Variants in CAPN15 observed in about 807,000 individuals in gnomAD.
CAPN15 encodes calpain 15, also known as calpain-15.
CAPN15 carries 53 observed loss-of-function variants against 97.9 expected under a neutral mutation model. That is an observed-to-expected ratio of 0.54 (90% CI 0.43 to 0.68). The LOEUF is 0.68. Ranked by LOEUF, CAPN15 falls within the 30% of genes least tolerant of loss-of-function variation. CAPN15 has a pLI of 0.00. For missense variants in CAPN15, 1,592 were observed against 1,589.8 expected, an observed-to-expected ratio of 1.00 and a Z score of -0.02; for synonymous variants, 922 against 722.5, an observed-to-expected ratio of 1.28 and a Z score of -4.43.
chr16:552,584 T>TTCACATG lies in CAPN15; in HGVS notation c.2738-16_2738-15insTGTCACA, dbSNP rs2142082479. The stretch of plus-strand genomic sequence containing the variant: ...CCCAGGCCCACGGGGAGGGCTGCGG[T>TTCACATG]TCACACGCCCGTCCTTGTAGCCTCC... On this transcript the variant is annotated intron_variant, in intron 11 of 13. Transcript: ENST00000219611. The surrounding 1 kb of genome is among the most constrained non-coding windows in gnomAD (Gnocchi z 6.4). 1 of 1,552,490 alleles carries TTCACATG rather than the reference T, an allele frequency of 6.4e-7. No individual in the cohort carries two copies. Among genetic ancestry groups the TTCACATG allele is most frequent in the East Asian group, 2.4e-5 (1 of 41,956 alleles).
intron 7 of CAPN15, 48 bp from the exon 8 acceptor site, chr16:551,253 TC>T (rs1236254750): frequency 4.5e-5 from 68 of 1,495,626 alleles, no homozygotes; most frequent in African/African-American, 8.5e-5. Context: ...TCGGTGAGGG[TC>T]CCCTGTCGGT....
Position 552,095 on chromosome 16 carries a change from A to C in CAPN15, c.2390A>C (p.Gln797Pro). The C allele has an allele frequency of 1.9e-6, 3 of 1,549,276 alleles. No individual in the cohort carries two copies. The highest frequency in any genetic ancestry group is 2.6e-6 in the Non-Finnish European group (3 of 1,146,964). Residue 797 changes from glutamine to proline, a missense_variant, in exon 10 of 14, where the codon CAG (glutamine) becomes CCG (proline). Physicochemically the swap from Gln to Pro is moderately conservative, Grantham distance 76 (BLOSUM62 -1). Transcript: ENST00000219611. The surrounding 1 kb of genome is among the most constrained non-coding windows in gnomAD (Gnocchi z 6.4). Reference protein sequence around the residue: ...VDICKVHSDWQEARVQGCFPS... With the variant: ...VDICKVHSDWPEARVQGCFPS... ...ATCTGTAAGGTGCACTCGGACTGGC[A>C]GGAGGCGCGGGTGCAGGGCTGCTTT...
Position 549,111 on chromosome 16 carries a change from G to C in CAPN15, c.1568G>C (p.Cys523Ser). 1 of 1,612,352 alleles carries C rather than the reference G, an allele frequency of 6.2e-7. No homozygotes were observed. Among genetic ancestry groups the C allele is most frequent in the East Asian group, 2.2e-5 (1 of 44,878 alleles). ...RQWLRPQEIN[C>S]SVFRDHRATW... ...TGGCTGCGACCCCAGGAGATCAACT[G>C]CTCCGTCTTCAGGGACCACAGGGCC... The change falls in exon 5 of 14, where the codon TGC becomes TCC. Residue 523 changes from cysteine to serine, a missense_variant. Cys to Ser is a moderately radical substitution (Grantham distance 112). Around this residue, in one of 3 missense-constraint regions of CAPN15, gnomAD observed 883 missense variants for 776.6 expected, o/e 1.14. Coordinates refer to ENST00000219611, the MANE Select transcript of CAPN15 (RefSeq NM_005632.3).
intron 1 of CAPN15, among the ~76,000 whole-genome samples, chr16:530,822 C>G (rs2141944982): frequency 6.6e-6 from 1 of 152,356 alleles, no homozygotes; most frequent in African/African-American, 2.4e-5. Context: ...TTGCTTTGCA[C>G]ACTCTGAGGG....
intron 3 of CAPN15, among the ~76,000 whole-genome samples, chr16:545,913 G>A (rs1438651597): frequency 2.0e-5 from 3 of 152,332 alleles, no homozygotes; most frequent in East Asian, 1.9e-4. Flanking sequence ...CCGGGAGCCC[G>A]CCGGCCACAG....
chr16:551,221 CCCGGTCAGTGAGGGT>C (rs2035050612), intron 7 of CAPN15, 66 bp from the exon 8 acceptor site: 3 of 1,376,400 alleles, frequency 2.2e-6, no homozygotes, highest in African/African-American at 4.5e-5. Context: ...CGGTGAGGGT[CCCGGTCAGTGAGGGT>C]CCCCGGTCGG....
chr16:541,798 C>T (rs970294961), intron 3 of CAPN15, among the ~76,000 whole-genome samples: 6 of 152,404 alleles, frequency 3.9e-5, no homozygotes, highest in South Asian at 2.1e-4. Context: ...GGCCACTGAC[C>T]GGCTTCCTGT....
Position 553,585 on chromosome 16 carries a change from A to T in CAPN15, c.*69A>T. 3 of 955,976 alleles carry T rather than the reference A, an allele frequency of 3.1e-6. No homozygotes were observed. The highest frequency in any genetic ancestry group is 4.5e-6 in the Non-Finnish European group (3 of 660,618). 59.2% of individuals were successfully genotyped at this position (955,976 alleles called of 1,614,324 possible). On this transcript the variant is annotated 3_prime_UTR_variant, in exon 14 of 14. Coordinates refer to ENST00000219611, the MANE Select transcript of CAPN15 (RefSeq NM_005632.3). The stretch of plus-strand genomic sequence containing the variant: ...CCCCCACACGCACTTTATGAGGGAG[A>T]CCCCGACAGAGGACGCTTGAGCCAG...
chr16:545,303 G>A (rs1409092150), intron 3 of CAPN15, among the ~76,000 whole-genome samples: 1 of 152,096 alleles, frequency 6.6e-6, no homozygotes, highest in Non-Finnish European at 1.5e-5. Context: ...CAGGGCAGAA[G>A]GGCAGGGAGG....
In CAPN15 at chr16:547,763, C is replaced by T. The variant is rs760213854; in HGVS notation, c.925C>T (p.Arg309Cys). Residue 309 changes from arginine to cysteine, a missense_variant, in exon 4 of 14, where the codon CGC (arginine) becomes TGC (cysteine). Coordinates refer to ENST00000219611, the MANE Select transcript of CAPN15 (RefSeq NM_005632.3). ...AGAGGCCACGGAGGGTGGCACCAGC[C>T]GCGTAGAGGCCGGCAGCTCCACCTC... ...EEEATEGGTS[R>C]VEAGSSTSGS... 12 of 1,609,740 alleles carry T rather than the reference C, an allele frequency of 7.5e-6. No individual in the cohort carries two copies. The highest frequency in any genetic ancestry group is 5.3e-5 in the African/African-American group (4 of 74,906).
rs1473526540 is a variant in CAPN15 at position 549,135 on chromosome 16, C to T, written c.1592C>T (p.Ala531Val). The change falls in exon 5 of 14, where the codon GCC becomes GTC. Residue 531 changes from alanine (A) to valine (V), a missense_variant. Around this residue, in one of 3 missense-constraint regions of CAPN15, gnomAD observed 883 missense variants for 776.6 expected, o/e 1.14. Coordinates refer to ENST00000219611, the MANE Select transcript of CAPN15 (RefSeq NM_005632.3). ...INCSVFRDHR[A>V]TWSVFHTLRP... is the part of the protein sequence containing the mutation. The stretch of plus-strand genomic sequence containing the variant: ...TGCTCCGTCTTCAGGGACCACAGGG[C>T]CACGTGGTCTGTGTTCCACACACTG... The T allele has an allele frequency of 6.2e-7, 1 of 1,611,414 alleles. No individual in the cohort carries two copies. Among genetic ancestry groups the T allele is most frequent in the Admixed American group, 1.7e-5 (1 of 59,968 alleles).
rs370010301 is a variant in CAPN15 at position 551,982 on chromosome 16, C to T, written c.2346-69C>T. On this transcript the variant is annotated intron_variant, in intron 9 of 13. Transcript: ENST00000219611. ...TGCTGGGGTCACCGGCCTGTGGTTG[C>T]GGTAGGCGCTGAGCCACGGAGGTGT... 3.6e-4 allele frequency: 539 copies of T among 1,478,860 alleles called. 1 individual carries two copies. The highest frequency in any genetic ancestry group is 6.8e-4 in the Middle Eastern group (3 of 4,414). 91.6% of individuals were successfully genotyped at this position (1,478,860 alleles called of 1,614,324 possible). A position where few individuals can be genotyped will look rare whatever the true frequency, so the allele number is the denominator to read the frequency against.
At chr16:529,141 T>G (rs2033063199) in intron 1 of CAPN15, among the ~76,000 whole-genome samples, 1 of 152,006 alleles carries the variant, frequency 6.6e-6, no homozygotes, top group Non-Finnish European at 1.5e-5. Flanking sequence ...GGAGCACCCC[T>G]CTTTTTCCTG....
At chr16:540,132 C>G (rs1012188096) in intron 3 of CAPN15, 2 of 985,338 alleles carry the variant, frequency 2.0e-6, no homozygotes, top group Admixed American at 1.2e-4. Flanking sequence ...CCGCTTCGCC[C>G]GCTGCTGGCC....
intron 3 of CAPN15, among the ~76,000 whole-genome samples, chr16:541,328 C>T (rs148470792): frequency 0.015 from 2,303 of 152,140 alleles, 52 homozygotes; most frequent in African/African-American, 0.052. Flanking sequence ...GCCCTGTCTG[C>T]GAGTTACCCC....
intron 3 of CAPN15, chr16:539,783 T>C (rs771427955): frequency 1.3e-5 from 2 of 152,334 alleles, no homozygotes; most frequent in Non-Finnish European, 2.9e-5. Flanking sequence ...GTAGACGTTC[T>C]CTTGACCCTT....
At chr16:548,534 G>A (rs548484640) in intron 4 of CAPN15, among the ~76,000 whole-genome samples, 17 of 152,332 alleles carry the variant, frequency 1.1e-4, no homozygotes, top group East Asian at 1.9e-4. Flanking sequence ...ACCCTCCACC[G>A]TGGCCAGGAG....
intron 3 of CAPN15, among the ~76,000 whole-genome samples, chr16:546,605 T>C (rs8052113): frequency 0.2 from 31,169 of 152,188 alleles, 4,625 homozygotes; most frequent in African/African-American, 0.42. Context: ...AGGGGTCTGC[T>C]GAGCCTCCAA....
rs1164262431 is a variant in CAPN15, at chr16:527,736, C to T, written c.-483C>T. The T allele has an allele frequency of 6.6e-6, 1 of 150,494 alleles. No individual in the cohort carries two copies. Among genetic ancestry groups the T allele is most frequent in the Non-Finnish European group, 1.5e-5 (1 of 67,424 alleles). 9.3% of individuals were successfully genotyped at this position (150,494 alleles called of 1,614,324 possible). ...CGTAGTCCGGGCGCGCGATTCACAG[C>T]GCCGCGTGCGCCCCGGGCGCGCCGT... On this transcript the variant is annotated 5_prime_UTR_variant, in exon 1 of 14. Transcript: ENST00000219611.
Sources: allele counts gnomAD v4.1 joint callset (sites outside exome capture counted in the v4.1 genomes callset), GRCh38; gene constraint gnomAD v4.1.1; regional missense constraint gnomAD v4.1.1; non-coding constraint Gnocchi (gnomAD v3.1); transcripts MANE v1.5; gene names NCBI Gene and HGNC (gene_info 2026-07-23, HGNC 2026-07-21).